Variants in FIRRM observed in about 807,000 individuals in gnomAD.
FIRRM encodes FIGNL1-interacting regulator of recombination and mitosis.
At chr1:169,795,993 A>G in the FIRRM span, 1 of 982,164 alleles carries the variant, frequency 1.0e-6, no homozygotes, top group Non-Finnish European at 1.2e-6. Context: ...GGTAAACCAT[A>G]TGTATATGTA....
chr1:169,843,655 ATTACT>A, the FIRRM span: 4 of 1,560,214 alleles, frequency 2.6e-6, no homozygotes, highest in South Asian at 1.1e-5. Context: ...TTTCTTCAAA[ATTACT>A]TTGTGTTTCT....
chr1:169,841,584 C>T, the FIRRM span, among the ~76,000 whole-genome samples: 2 of 152,176 alleles, frequency 1.3e-5, no homozygotes, highest in Non-Finnish European at 2.9e-5. Flanking sequence ...AGTATTTTCA[C>T]ACATGGTAAA....
chr1:169,810,546 A>G, the FIRRM span, among the ~76,000 whole-genome samples: 1 of 152,006 alleles, frequency 6.6e-6, no homozygotes, highest in Non-Finnish European at 1.5e-5. Flanking sequence ...GTGTCTTCAC[A>G]TCATCTTTTT....
chr1:169,837,804 GA>G, the FIRRM span, among the ~76,000 whole-genome samples: 1 of 152,198 alleles, frequency 6.6e-6, no homozygotes, highest in South Asian at 2.1e-4. Context: ...CAAAGATAAG[GA>G]TAGGGCATTC....
At chr1:169,852,992 T>TA in the FIRRM span, 3 of 1,609,654 alleles carry the variant, frequency 1.9e-6, no homozygotes, top group Non-Finnish European at 8.5e-7. Flanking sequence ...GGGTGAAACT[T>TA]ATCACTAGGC....
At chr1:169,806,386 C>T in the FIRRM span, among the ~76,000 whole-genome samples, 1 of 152,182 alleles carries the variant, frequency 6.6e-6, no homozygotes, top group African/African-American at 2.4e-5. Context: ...TGTTGTTTAA[C>T]CAGCTATCAA....
At chr1:169,819,718 G>A in the FIRRM span, among the ~76,000 whole-genome samples, 10,091 of 152,226 alleles carry the variant, frequency 0.066, 432 homozygotes, top group Non-Finnish European at 0.099. Context: ...CTTTAGCCAT[G>A]CCAAAGTGCG....
the FIRRM span, chr1:169,795,789 C>G: frequency 1.0e-6 from 1 of 985,208 alleles, no homozygotes; most frequent in Non-Finnish European, 1.2e-6. Context: ...TTTCTTCTTT[C>G]TTTCTTTTTT....
the FIRRM span, chr1:169,798,882 A>G: frequency 1.6e-6 from 2 of 1,234,230 alleles, no homozygotes; most frequent in South Asian, 3.1e-5. Flanking sequence ...TGAATACCCT[A>G]TTACTATGAT....
At chr1:169,802,778 A>G in the FIRRM span, 1 of 1,027,656 alleles carries the variant, frequency 9.7e-7, no homozygotes. Flanking sequence ...AAGAATGTCA[A>G]AATTTTTATA....
At chr1:169,783,993 C>G in the FIRRM span, 2 of 152,282 alleles carry the variant, frequency 1.3e-5, no homozygotes, top group African/African-American at 4.8e-5. Context: ...CCTATGTTGC[C>G]CAAGCTGGTC....
At chr1:169,834,553 G>T in the FIRRM span, among the ~76,000 whole-genome samples, 14 of 152,060 alleles carry the variant, frequency 9.2e-5, no homozygotes, top group Non-Finnish European at 1.0e-4. Context: ...ACTGTAACAG[G>T]CCAGGCACTT....
chr1:169,848,932 A>G, the FIRRM span, among the ~76,000 whole-genome samples: 1 of 152,216 alleles, frequency 6.6e-6, no homozygotes, highest in Non-Finnish European at 1.5e-5. Flanking sequence ...TCCATTCGGG[A>G]AAGATTACGT....
At chr1:169,802,044 T>G in the FIRRM span, among the ~76,000 whole-genome samples, 4 of 152,238 alleles carry the variant, frequency 2.6e-5, no homozygotes, top group Non-Finnish European at 5.9e-5. Context: ...TTATAATGTT[T>G]AGGTCATTTA....
chr1:169,832,708 A>G, the FIRRM span, among the ~76,000 whole-genome samples: 2 of 152,040 alleles, frequency 1.3e-5, no homozygotes, highest in South Asian at 2.1e-4. Context: ...GGCTCAAGCA[A>G]TCCTCCCACC....
At chr1:169,796,309 G>T in the FIRRM span, among the ~76,000 whole-genome samples, 1 of 152,224 alleles carries the variant, frequency 6.6e-6, no homozygotes, top group African/African-American at 2.4e-5. Flanking sequence ...ATGGTGTTAG[G>T]CTTTGGGAGA....
the FIRRM span, chr1:169,793,084 A>G: frequency 3.7e-6 from 6 of 1,614,058 alleles, no homozygotes; most frequent in Non-Finnish European, 4.2e-6. Context: ...CCTTGAATGC[A>G]GTTATACCTA....
At chr1:169,821,260 T>A in the FIRRM span, among the ~76,000 whole-genome samples, 10,087 of 152,278 alleles carry the variant, frequency 0.066, 430 homozygotes, top group Non-Finnish European at 0.099. Context: ...CTTTTTTGTG[T>A]AATGTGTTTT....
At chr1:169,843,727 G>C in the FIRRM span, 4 of 1,612,360 alleles carry the variant, frequency 2.5e-6, no homozygotes, top group Non-Finnish European at 3.4e-6. Context: ...TTCCACTGTT[G>C]GGATTTTTCA....
Sources: allele counts gnomAD v4.1 joint callset (sites outside exome capture counted in the v4.1 genomes callset), GRCh38; gene constraint gnomAD v4.1.1; transcripts MANE v1.5; gene names NCBI Gene and HGNC (gene_info 2026-07-23, HGNC 2026-07-21).